GLI2: variants seen among roughly 807,000 people sequenced by gnomAD.
The protein encoded by GLI2 is GLI family zinc finger 2, also known as transcription activator GLI2.
GLI2 carries 22 observed loss-of-function variants against 78.9 expected under a neutral mutation model. The observed-to-expected ratio is 0.28, with a 90% CI of 0.20 to 0.40. The LOEUF (loss-of-function observed/expected upper bound fraction) is 0.40, where lower values mean the gene tolerates loss of function less well. Among genes scored for constraint, GLI2 ranks in the 10% least tolerant of loss-of-function variants. The pLI is 1.00. For missense variants in GLI2, 2,097 were observed against 2,213.2 expected (o/e 0.95, Z 1.05); for synonymous variants, 974 against 963.7 (o/e 1.01, Z -0.20).
chr2:120,928,457 G>T (rs1395727599), intron 3 of GLI2, among the ~76,000 whole-genome samples: 1 of 152,024 alleles, frequency 6.6e-6, no homozygotes, highest in Non-Finnish European at 1.5e-5. Flanking sequence ...ATCATCATCT[G>T]TTTTTGCACC....
intron 2 of GLI2, among the ~76,000 whole-genome samples, chr2:120,920,508 C>T (rs1002146642): frequency 2.6e-5 from 4 of 152,216 alleles, no homozygotes; most frequent in African/African-American, 9.7e-5. Flanking sequence ...CCTCACTGCC[C>T]TCCTCACTAA....
chr2:120,789,282 C>T (rs1021769300), intron 1 of GLI2, among the ~76,000 whole-genome samples: 2 of 152,106 alleles, frequency 1.3e-5, no homozygotes, highest in African/African-American at 4.8e-5. Flanking sequence ...CCTCAGCCTC[C>T]CAGAGTGCTG....
intron 2 of GLI2, among the ~76,000 whole-genome samples, chr2:120,813,070 G>GCATGC (rs1685332725): frequency 6.6e-6 from 1 of 152,210 alleles, no homozygotes; most frequent in Admixed American, 6.5e-5. Context: ...AGAATTTTCA[G>GCATGC]CATGCCACAC....
intron 8 of GLI2, 187 bp from the exon 9 acceptor site, chr2:120,974,788 G>C: frequency 1.3e-6 from 1 of 773,524 alleles, no homozygotes. Context: ...GAGTGTGTGT[G>C]TGTGTGTGTG....
chr2:120,959,723 T>C (rs1165044756), intron 5 of GLI2, among the ~76,000 whole-genome samples: 2 of 152,130 alleles, frequency 1.3e-5, no homozygotes, highest in Non-Finnish European at 2.9e-5. Flanking sequence ...GGAGGTGTTT[T>C]CGGTGGGTGC....
At chr2:120,839,535 T>C (rs1280780869) in intron 2 of GLI2, among the ~76,000 whole-genome samples, 1 of 152,138 alleles carries the variant, frequency 6.6e-6, no homozygotes, top group East Asian at 1.9e-4. Context: ...CCTTCCCTGT[T>C]TCTTGGTTAG....
intron 2 of GLI2, among the ~76,000 whole-genome samples, chr2:120,874,232 C>T (rs539411557): frequency 1.3e-5 from 2 of 152,282 alleles, no homozygotes; most frequent in East Asian, 3.9e-4. Context: ...TTTGCCTTGG[C>T]TTTGGTCTGT....
intron 2 of GLI2, among the ~76,000 whole-genome samples, chr2:120,815,301 C>T (rs1685440813): frequency 6.6e-6 from 1 of 152,110 alleles, no homozygotes; most frequent in Non-Finnish European, 1.5e-5. Context: ...ACAGTGAAGC[C>T]GGGGAGAGAA....
At chr2:120,758,444 C>A (rs1357920179) in intron 1 of GLI2, among the ~76,000 whole-genome samples, 1 of 152,212 alleles carries the variant, frequency 6.6e-6, no homozygotes, top group East Asian at 1.9e-4. Context: ...GCTTCCTCCC[C>A]CTGACCGGGC....
chr2:120,916,853 G>A (rs906127935), intron 2 of GLI2, among the ~76,000 whole-genome samples: 1 of 152,240 alleles, frequency 6.6e-6, no homozygotes, highest in Non-Finnish European at 1.5e-5. Flanking sequence ...GTGGGACAAT[G>A]TGTCTGAACT....
chr2:120,911,962 G>A (rs192405405), intron 2 of GLI2, among the ~76,000 whole-genome samples: 1 of 152,274 alleles, frequency 6.6e-6, no homozygotes, highest in East Asian at 1.9e-4. Context: ...TGGGGCTCTT[G>A]ACTCCATTCT....
rs1490117894 is a variant in GLI2 at position 120,990,436 on chromosome 2, C to A, written c.4471C>A (p.Pro1491Thr). The change falls in exon 14 of 14, where the codon CCC (proline) becomes ACC (threonine). Residue 1491 changes from proline to threonine, a missense_variant. Around this residue, in one of 5 missense-constraint regions of GLI2, gnomAD observed 1,290 missense variants for 1,261.7 expected, o/e 1.02. Coordinates refer to ENST00000361492, the MANE Select transcript of GLI2 (RefSeq NM_001374353.1). The stretch of plus-strand genomic sequence containing the variant: ...TGTGGACTCCCAGCTCCTGGAGGCC[C>A]CCCAGATTGACTTCGATGCCATCAT... The part of the protein sequence containing the change: ...STVDSQLLEA[P>T]QIDFDAIMDD... 2 of 1,614,042 alleles carry A rather than the reference C, an allele frequency of 1.2e-6. No individual in the cohort carries two copies. The highest frequency in any genetic ancestry group is 4.5e-5 in the East Asian group (2 of 44,866).
chr2:120,830,234 G>A (rs1031933211), intron 2 of GLI2, among the ~76,000 whole-genome samples: 4 of 152,202 alleles, frequency 2.6e-5, no homozygotes, highest in Non-Finnish European at 2.9e-5. Context: ...TGCCATCACC[G>A]GGTCGTGTCT....
In GLI2 at chr2:120,990,280, C is replaced by T; in HGVS notation, c.4315C>T (p.Gln1439Ter). 6.2e-7 allele frequency: 1 copy of T among 1,613,774 alleles called. No individual in the cohort carries two copies. The highest frequency in any genetic ancestry group is 8.5e-7 in the Non-Finnish European group (1 of 1,180,036). ...CTACGGCCAGATCCACATGTACGAA[C>T]AGGATGGAGGCCTGGAGAACCTCGG... Reference protein sequence around the residue: ...YYYGQIHMYEQDGGLENLGSC... With the variant: ...YYYGQIHMYE Residue 1439 changes from glutamine (Q) to a stop codon, truncating the protein, a stop_gained, in exon 14 of 14, where the codon CAG becomes TAG. Coordinates refer to ENST00000361492, the MANE Select transcript of GLI2 (RefSeq NM_001374353.1). LOFTEE classifies it high-confidence loss of function.
At position 120,780,756 on chromosome 2, in the gene GLI2, A is replaced by G. The variant is rs113560659; in HGVS notation, c.-30-16535A>G. ...AGTCCTGGGTCGTTTCCAGCCTGGA[A>G]CTCTGGAGCTTGCCAGTCTGATGCA... On this transcript the variant is annotated intron_variant, in intron 1 of 13. Transcript: ENST00000361492. 7.8e-4 allele frequency among the ~76,000 whole-genome samples: 119 copies of G among 152,038 alleles called. 3 individuals carry two copies. The Middle Eastern group carries it at 0.02, about 26-fold the overall frequency.
chr2:120,818,185 C>G (rs1244221984), intron 2 of GLI2, among the ~76,000 whole-genome samples: 4 of 152,222 alleles, frequency 2.6e-5, no homozygotes, highest in Non-Finnish European at 4.4e-5. Context: ...AGGAGCCCCG[C>G]TTTCATCCCC....
chr2:120,874,290 T>A (rs2104686766), intron 2 of GLI2, among the ~76,000 whole-genome samples: 1 of 152,310 alleles, frequency 6.6e-6, no homozygotes, highest in African/African-American at 2.4e-5. Flanking sequence ...CTGGGTGTTA[T>A]GAAACTTTAT....
chr2:120,945,293 CACAA>C (rs1039610021), intron 3 of GLI2, among the ~76,000 whole-genome samples: 1 of 152,252 alleles, frequency 6.6e-6, no homozygotes, highest in East Asian at 1.9e-4. Flanking sequence ...CACACACACA[CACAA>C]ACACACACAC....
At chr2:120,738,317 TTC>T (rs1290657561) in intron 1 of GLI2, among the ~76,000 whole-genome samples, 1 of 152,246 alleles carries the variant, frequency 6.6e-6, no homozygotes, top group African/African-American at 2.4e-5. Flanking sequence ...GACTTGCTGC[TTC>T]TCTCTTGAGG....
Sources: gnomAD v4.1 joint callset for allele counts (sites outside exome capture counted in the v4.1 genomes callset) on GRCh38, gnomAD v4.1.1 for gene constraint, gnomAD v4.1.1 regional missense constraint, MANE v1.5 for transcripts, NCBI Gene and HGNC (gene_info 2026-07-23, HGNC 2026-07-21) for gene names.